SPOCK1: variants seen among roughly 807,000 people sequenced by gnomAD.
SPOCK1 encodes the protein SPARC (osteonectin), cwcv and kazal like domains proteoglycan 1.
Under a neutral mutation model 55.3 loss-of-function variants are expected in SPOCK1, and 23 were observed. The ratio of observed to expected loss-of-function variants is 0.42; its 90% CI spans 0.30 to 0.59. The LOEUF (loss-of-function observed/expected upper bound fraction) is 0.59, where lower values mean the gene tolerates loss of function less well. SPOCK1 is among the 20% of genes least tolerant of loss of function. SPOCK1 has a pLI of 0.22. For synonymous variants in SPOCK1, 226 were observed against 221.0 expected (o/e 1.02, Z -0.20); for missense variants, 499 against 552.5 (o/e 0.90, Z 0.97).
At chr5:137,362,757 G>GCCTTCAAATAAA (rs906571384) in intron 2 of SPOCK1, among the ~76,000 whole-genome samples, 6 of 152,216 alleles carry the variant, frequency 3.9e-5, no homozygotes, top group Non-Finnish European at 7.3e-5. Context: ...GAGCATGGTT[G>GCCTTCAAATAAA]CCTTCAAATA....
At chr5:137,257,114 C>G (rs753083065) in intron 3 of SPOCK1, among the ~76,000 whole-genome samples, 1 of 152,192 alleles carries the variant, frequency 6.6e-6, no homozygotes, top group African/African-American at 2.4e-5. Flanking sequence ...TCAGGCCCAT[C>G]TTGCTATCTG....
At chr5:137,470,479 C>T (rs1171950444) in intron 2 of SPOCK1, among the ~76,000 whole-genome samples, 1 of 152,122 alleles carries the variant, frequency 6.6e-6, no homozygotes, top group Non-Finnish European at 1.5e-5. Context: ...GAAGTCCAAA[C>T]CCAGACAGAG....
intron 2 of SPOCK1, among the ~76,000 whole-genome samples, chr5:137,323,397 T>C (rs34795090): frequency 0.019 from 2,898 of 152,230 alleles, 33 homozygotes; most frequent in Non-Finnish European, 0.029. Context: ...AAATAGACTT[T>C]AAGTCAAAAA....
Position 137,276,959 on chromosome 5 carries a change from A to T in SPOCK1, c.187-9904T>A, listed in dbSNP as rs138655982. Among the ~76,000 whole-genome samples, 176 of 152,352 alleles carry T rather than the reference A, an allele frequency of 1.2e-3. 1 individual carries two copies. The highest frequency in any genetic ancestry group is 4.0e-3 in the African/African-American group (165 of 41,582). On this transcript the variant is annotated intron_variant, in intron 2 of 10. Coordinates refer to ENST00000394945, the MANE Select transcript of SPOCK1 (RefSeq NM_004598.4). ...TAGGACTTGCATCAAATCAAAGCCC[A>T]AATCAAAACATCAAAGTAATAGTAA...
chr5:137,391,377 T>C (rs985814267), intron 2 of SPOCK1, among the ~76,000 whole-genome samples: 4 of 152,058 alleles, frequency 2.6e-5, no homozygotes, highest in African/African-American at 9.7e-5. Flanking sequence ...CTGGTGAATA[T>C]TGAGGGAGGG....
At chr5:137,175,263 C>G (rs926437514) in intron 3 of SPOCK1, among the ~76,000 whole-genome samples, 8 of 152,056 alleles carry the variant, frequency 5.3e-5, no homozygotes, top group African/African-American at 1.9e-4. Context: ...GGTAGTAAAA[C>G]CATGTGATCA....
intron 3 of SPOCK1, among the ~76,000 whole-genome samples, chr5:137,162,231 G>A (rs1333446484): frequency 2.0e-5 from 3 of 149,856 alleles, no homozygotes; most frequent in African/African-American, 7.4e-5. Context: ...TCCACCTCCA[G>A]GATTCAAGCA....
intron 2 of SPOCK1, among the ~76,000 whole-genome samples, chr5:137,380,708 AG>A: frequency 6.6e-6 from 1 of 152,276 alleles, no homozygotes; most frequent in African/African-American, 2.4e-5. Context: ...AATGGCAGGA[AG>A]GAAACCCGCC....
In SPOCK1 at chr5:137,036,939, C is replaced by T. The variant is rs192208897; in HGVS notation, c.589+30776G>A. Among the ~76,000 whole-genome samples the T allele has an allele frequency of 6.6e-5, 10 of 152,236 alleles. No individual in the cohort carries two copies. The East Asian group carries it at 1.9e-3, about 30-fold the overall frequency. ...TCACCCCCCAACCAGAAGTCATTTC[C>T]CTCTCAGATTACCAGCCCGGCAGCC... On this transcript the variant is annotated intron_variant, in intron 6 of 10. Coordinates refer to ENST00000394945, the MANE Select transcript of SPOCK1 (RefSeq NM_004598.4).
At chr5:137,355,497 A>G (rs1750772749) in intron 2 of SPOCK1, among the ~76,000 whole-genome samples, 1 of 152,076 alleles carries the variant, frequency 6.6e-6, no homozygotes, top group Non-Finnish European at 1.5e-5. Context: ...TCCTGACTCT[A>G]AGTTTTAGTT....
chr5:137,125,465 G>A (rs1753767798), intron 4 of SPOCK1, among the ~76,000 whole-genome samples: 1 of 152,124 alleles, frequency 6.6e-6, no homozygotes, highest in Non-Finnish European at 1.5e-5. Context: ...GTATTAGGAG[G>A]TGGGGCCTTT....
At chr5:137,312,755 G>T (rs1345144892) in intron 2 of SPOCK1, among the ~76,000 whole-genome samples, 1 of 152,128 alleles carries the variant, frequency 6.6e-6, no homozygotes, top group African/African-American at 2.4e-5. Context: ...TGTGTATAGA[G>T]GTTCTGAAAA....
chr5:137,416,171 G>GAA (rs66633629), intron 2 of SPOCK1, among the ~76,000 whole-genome samples: 2 of 146,698 alleles, frequency 1.4e-5, no homozygotes, highest in South Asian at 2.2e-4. Context: ...TAAAGTACTG[G>GAA]AAAAAAAAAA....
chr5:137,173,827 T>C (rs1318873114), intron 3 of SPOCK1, among the ~76,000 whole-genome samples: 1 of 152,230 alleles, frequency 6.6e-6, no homozygotes, highest in Non-Finnish European at 1.5e-5. Context: ...TCCTCCTAAA[T>C]GTCTAGCTTC....
At chr5:137,129,359 G>A (rs893103729) in intron 4 of SPOCK1, among the ~76,000 whole-genome samples, 7 of 152,110 alleles carry the variant, frequency 4.6e-5, no homozygotes, top group African/African-American at 9.7e-5. Flanking sequence ...CTTCTTGCCC[G>A]CTACACAGAG....
At chr5:137,234,478 C>T (rs13156395) in intron 3 of SPOCK1, among the ~76,000 whole-genome samples, 25,779 of 152,086 alleles carry the variant, frequency 0.17, 2,466 homozygotes, top group South Asian at 0.26. Context: ...TTGGTTGCCT[C>T]TTGTGCTATT....
At chr5:137,304,719 A>G (rs1194595062) in intron 2 of SPOCK1, among the ~76,000 whole-genome samples, 2 of 152,142 alleles carry the variant, frequency 1.3e-5, no homozygotes, top group Admixed American at 1.3e-4. Context: ...CCCATGTACC[A>G]TGTGAATACC....
intron 5 of SPOCK1, among the ~76,000 whole-genome samples, chr5:137,089,818 T>C (rs1284574104): frequency 6.6e-6 from 1 of 152,214 alleles, no homozygotes. Flanking sequence ...TTCACATTTC[T>C]AAACACATTT....
chr5:137,140,477 A>T, intron 4 of SPOCK1, 103 bp downstream of exon 4: 1 of 907,108 alleles, frequency 1.1e-6, no homozygotes, highest in Non-Finnish European at 1.7e-6. Flanking sequence ...CCCTAACACT[A>T]TGCTCTCCCC....
Sources: allele counts gnomAD v4.1 joint callset (sites outside exome capture counted in the v4.1 genomes callset), GRCh38; gene constraint gnomAD v4.1.1; transcripts MANE v1.5; gene names NCBI Gene and HGNC (gene_info 2026-07-23, HGNC 2026-07-21).